The following MTSS1 variants were observed in gnomAD, a reference collection of about 807,000 sequenced individuals.
MTSS1 encodes the protein MTSS I-BAR domain containing 1.
In MTSS1, 18 loss-of-function variants were observed where a neutral mutation model predicts 79.0. The observed-to-expected ratio is 0.23, with a 90% CI of 0.16 to 0.34. MTSS1 has a LOEUF of 0.34. Among genes scored for constraint, MTSS1 ranks in the 10% least tolerant of loss-of-function variants. The pLI is 1.00. For missense variants in MTSS1, 815 were observed against 986.2 expected (o/e 0.83, Z 2.33); for synonymous variants, 341 against 368.6 (o/e 0.93, Z 0.86).
chr8:124,564,408 T>C (rs989042018), intron 9 of MTSS1, among the ~76,000 whole-genome samples: 3 of 152,050 alleles, frequency 2.0e-5, no homozygotes, highest in Admixed American at 1.3e-4. Flanking sequence ...TTGGTGCAAA[T>C]GTTCAGACAG....
At chr8:124,631,563 A>C (rs1266597989) in intron 3 of MTSS1, among the ~76,000 whole-genome samples, 2 of 152,070 alleles carry the variant, frequency 1.3e-5, no homozygotes, top group East Asian at 3.9e-4. Context: ...GGTCAATGCC[A>C]CCCTGCCCCT....
At chr8:124,720,118 T>C (rs147537974) in intron 1 of MTSS1, among the ~76,000 whole-genome samples, 7 of 152,316 alleles carry the variant, frequency 4.6e-5, no homozygotes, top group African/African-American at 1.4e-4. Context: ...AAGGTCACTG[T>C]CTAATGGGGC....
intron 1 of MTSS1, among the ~76,000 whole-genome samples, chr8:124,717,096 C>CACTGA (rs1488988491): frequency 6.6e-6 from 1 of 152,008 alleles, no homozygotes; most frequent in East Asian, 1.9e-4. Flanking sequence ...TCTTCCCTTG[C>CACTGA]ACTGAACACT....
At chr8:124,558,787 A>C in intron 10 of MTSS1, 1 of 1,581,158 alleles carries the variant, frequency 6.3e-7, no homozygotes, top group South Asian at 1.1e-5. Context: ...TCGCTCACTG[A>C]CTGGCAGGTT....
rs891069503 is a variant in MTSS1, at chr8:124,628,027, C to A, written c.209-36792G>T. Among the ~76,000 whole-genome samples the A allele has an allele frequency of 1.1e-4, 17 of 152,106 alleles. No homozygotes were observed. In the East Asian group the frequency reaches 3.1e-3, roughly 28 times the overall value. On this transcript the variant is annotated intron_variant, in intron 3 of 13. Transcript: ENST00000518547. ...ACTAAAAATACAAAAGTTAGCCAGGCGTGGTGGCATGTGCCTGTAATCCCA... is the reference window on the plus strand; with the variant it reads ...ACTAAAAATACAAAAGTTAGCCAGGAGTGGTGGCATGTGCCTGTAATCCCA...
At chr8:124,702,361 G>A (rs1829825277) in intron 2 of MTSS1, among the ~76,000 whole-genome samples, 1 of 152,156 alleles carries the variant, frequency 6.6e-6, no homozygotes, top group Non-Finnish European at 1.5e-5. Context: ...CTCAGGTGAG[G>A]AGCCCTGAAT....
At chr8:124,568,177 G>C in intron 7 of MTSS1, 1 of 702,896 alleles carries the variant, frequency 1.4e-6, no homozygotes, top group Non-Finnish European at 2.2e-6. Context: ...AAGTAACGGG[G>C]AACAAGTGGT....
intron 3 of MTSS1, among the ~76,000 whole-genome samples, chr8:124,676,234 T>C (rs1231195813): frequency 6.6e-6 from 1 of 152,250 alleles, no homozygotes; most frequent in East Asian, 1.9e-4. Flanking sequence ...GTCTCAAAAC[T>C]GGACATTATT....
chr8:124,582,340 C>T lies in MTSS1; in HGVS notation c.460+2747G>A, dbSNP rs1198421366. On this transcript the variant is annotated intron_variant, in intron 6 of 13. Transcript: ENST00000518547. This position sits in a 1 kb window ranked among gnomAD's most constrained non-coding sequence, Gnocchi z 4.8. ...ACCTCTCTATATAGTAAGAAAGAGT[C>T]GAAGAATGTGATAAAAGGTGGTATC... Among the ~76,000 whole-genome samples the T allele has an allele frequency of 6.6e-6, 1 of 152,070 alleles. No homozygotes were observed. The highest frequency in any genetic ancestry group is 1.5e-5 in the Non-Finnish European group (1 of 68,014).
chr8:124,585,063 C>T, intron 6 of MTSS1, 24 bp downstream of exon 6: 1 of 1,598,322 alleles, frequency 6.3e-7, no homozygotes, highest in Non-Finnish European at 8.6e-7. Flanking sequence ...GAAGTAACAT[C>T]AGTGGCAGAA....
intron 1 of MTSS1, among the ~76,000 whole-genome samples, chr8:124,705,820 G>C (rs917217056): frequency 3.9e-5 from 6 of 152,146 alleles, no homozygotes; most frequent in Non-Finnish European, 7.3e-5. Flanking sequence ...TCTTTGTCGT[G>C]GGGGGCTGTC....
intron 3 of MTSS1, among the ~76,000 whole-genome samples, chr8:124,601,886 A>G (rs1346478948): frequency 6.6e-6 from 1 of 152,166 alleles, no homozygotes; most frequent in Non-Finnish European, 1.5e-5. Flanking sequence ...TTTTTATTTT[A>G]TAAGGTGAAG....
chr8:124,553,799 T>C lies in MTSS1; in HGVS notation c.1568-107A>G. On this transcript the variant is annotated intron_variant, in intron 13 of 13. Coordinates refer to ENST00000518547, the MANE Select transcript of MTSS1 (RefSeq NM_014751.6). This position sits in a 1 kb window ranked among gnomAD's most constrained non-coding sequence, Gnocchi z 6.0. ...CGCAAGGCAGGGTACACACACAGTC[T>C]CATCCCAAGCTTCCCCCAGGCTTCT... is the stretch of plus-strand genomic sequence containing the variant. 1 of 968,996 alleles carries C rather than the reference T, an allele frequency of 1.0e-6. No individual in the cohort carries two copies. Among genetic ancestry groups the C allele is most frequent in the Non-Finnish European group, 1.5e-6 (1 of 669,394 alleles). 60.0% of individuals were successfully genotyped at this position (968,996 alleles called of 1,614,324 possible).
chr8:124,637,987 G>T (rs184574198), intron 3 of MTSS1, among the ~76,000 whole-genome samples: 140 of 152,302 alleles, frequency 9.2e-4, no homozygotes, highest in Non-Finnish European at 1.8e-3. Flanking sequence ...GGCAGTTTAG[G>T]GGGAGTAGAT....
intron 3 of MTSS1, among the ~76,000 whole-genome samples, chr8:124,636,904 G>C (rs556233801): frequency 6.6e-6 from 1 of 152,310 alleles, no homozygotes; most frequent in South Asian, 2.1e-4. Flanking sequence ...TGACTCTGCC[G>C]AAATTATCCT....
intron 3 of MTSS1, among the ~76,000 whole-genome samples, chr8:124,663,244 C>T (rs972952397): frequency 1.2e-4 from 19 of 152,318 alleles, no homozygotes; most frequent in Admixed American, 1.1e-3. Flanking sequence ...TGCTAAACCT[C>T]ATGCTAAGAC....
In MTSS1 at chr8:124,553,234, G is replaced by T; in HGVS notation, c.2026C>A (p.Pro676Thr). Residue 676 changes from proline to threonine, a missense_variant, in exon 14 of 14, where the codon CCA (proline) becomes ACA (threonine). By Grantham distance (38) the Pro-to-Thr change is conservative (BLOSUM62 -1). Transcript: ENST00000518547. This position sits in a 1 kb window ranked among gnomAD's most constrained non-coding sequence, Gnocchi z 6.0. Reference sequence around the variant, plus strand: ...TCAGGGATACTGGGCTTCGGGCCTGGAAGTGGAGGGTTAACGGAAGCTTGG... The same window carrying T: ...TCAGGGATACTGGGCTTCGGGCCTGTAAGTGGAGGGTTAACGGAAGCTTGG... ...SGQASVNPPL[P>T]GPKPSIPEEH... The T allele has an allele frequency of 6.2e-7, 1 of 1,614,178 alleles. No individual in the cohort carries two copies. The highest frequency in any genetic ancestry group is 8.5e-7 in the Non-Finnish European group (1 of 1,180,044).
intron 12 of MTSS1, 30 bp downstream of exon 12, chr8:124,556,202 C>A (rs749665452): frequency 1.2e-6 from 2 of 1,614,018 alleles, no homozygotes; most frequent in South Asian, 2.2e-5. Flanking sequence ...TGAGGTGGCC[C>A]CAACCAGCTA....
chr8:124,554,929 G>A (rs1433923309), intron 13 of MTSS1, among the ~76,000 whole-genome samples: 3 of 151,932 alleles, frequency 2.0e-5, no homozygotes, highest in East Asian at 1.9e-4. Context: ...CTGCAGCCTC[G>A]ACTTCCCAGG....
Sources: allele counts gnomAD v4.1 joint callset (sites outside exome capture counted in the v4.1 genomes callset), GRCh38; gene constraint gnomAD v4.1.1; non-coding constraint Gnocchi (gnomAD v3.1); transcripts MANE v1.5; gene names NCBI Gene and HGNC (gene_info 2026-07-23, HGNC 2026-07-21).